CCDC181: variants seen among roughly 807,000 people sequenced by gnomAD.
The protein encoded by CCDC181 is coiled-coil domain containing 181, also known as coiled-coil domain-containing protein 181.
A neutral mutation model predicts 58.7 loss-of-function variants in CCDC181; 35 were observed. The ratio of observed to expected loss-of-function variants is 0.60; its 90% CI spans 0.46 to 0.79. The LOEUF (loss-of-function observed/expected upper bound fraction) is 0.79, where lower values mean the gene tolerates loss of function less well. Ranked by LOEUF, CCDC181 falls within the 30% of genes least tolerant of loss-of-function variation. CCDC181 has a pLI of 0.00. For missense variants in CCDC181, 517 were observed against 583.9 expected (o/e 0.89, Z 1.18); for synonymous variants, 183 against 197.5 (o/e 0.93, Z 0.62).
At chr1:169,456,838 G>A (rs747588201) in intron 2 of CCDC181, among the ~76,000 whole-genome samples, 30 of 152,096 alleles carry the variant, frequency 2.0e-4, no homozygotes, top group Non-Finnish European at 3.1e-4. Context: ...AAAGAAACTG[G>A]ACTCAGACAT....
chr1:169,435,346 G>C (rs977217197), intron 2 of CCDC181, among the ~76,000 whole-genome samples: 3 of 152,128 alleles, frequency 2.0e-5, no homozygotes, highest in African/African-American at 7.2e-5. Context: ...AGAGGAAATG[G>C]GTGTGTGACC....
chr1:169,429,711 G>A (rs1272275949), upstream of CCDC181, among the ~76,000 whole-genome samples: 3 of 152,150 alleles, frequency 2.0e-5, no homozygotes, highest in Non-Finnish European at 2.9e-5. Flanking sequence ...TTAGTCCTTA[G>A]TTAGATGCAT....
chr1:169,426,074 G>C (rs1382595267), intron 1 of CCDC181, among the ~76,000 whole-genome samples: 55 of 152,072 alleles, frequency 3.6e-4, no homozygotes, highest in Admixed American at 3.6e-3. Flanking sequence ...AAAAGCCATA[G>C]TTAAGGTAAC....
chr1:169,414,811 T>C (rs1251242653), intron 4 of CCDC181, among the ~76,000 whole-genome samples: 1 of 152,196 alleles, frequency 6.6e-6, no homozygotes, highest in Admixed American at 6.5e-5. Context: ...ATGCACTTAT[T>C]ATAGCAATGT....
Position 169,424,946 on chromosome 1 carries a change from A to G in CCDC181, c.-19T>C, listed in dbSNP as rs775165865. On this transcript the variant is annotated 5_prime_UTR_variant, in exon 2 of 6. Transcript: ENST00000367806. ...CATTCATTTTCTGTTTGTGAAGGAAATATGCTGTAAGATTTTAAAAGATAA... is the reference window on the plus strand; with the variant it reads ...CATTCATTTTCTGTTTGTGAAGGAAGTATGCTGTAAGATTTTAAAAGATAA... The G allele has an allele frequency of 7.0e-7, 1 of 1,420,952 alleles. No individual in the cohort carries two copies. Among genetic ancestry groups the G allele is most frequent in the South Asian group, 1.2e-5 (1 of 86,008 alleles). The allele number at this position is 1,420,952 out of a possible 1,614,324, so 88.0% of individuals were successfully genotyped here.
chr1:169,431,092 T>G (rs1029924350), upstream of CCDC181, among the ~76,000 whole-genome samples: 4 of 152,164 alleles, frequency 2.6e-5, no homozygotes, highest in Admixed American at 6.5e-5. Flanking sequence ...GGTTTTCCTT[T>G]CAACTGCATT....
intron 2 of CCDC181, among the ~76,000 whole-genome samples, chr1:169,451,582 T>C (rs923624783): frequency 5.3e-5 from 8 of 152,082 alleles, no homozygotes; most frequent in Non-Finnish European, 1.0e-4. Context: ...TTTTCTTCTT[T>C]TTGAGGAAGC....
At chr1:169,440,362 C>G (rs934544032) in intron 2 of CCDC181, among the ~76,000 whole-genome samples, 2 of 152,238 alleles carry the variant, frequency 1.3e-5, no homozygotes, top group Non-Finnish European at 2.9e-5. Context: ...TCACCTTGCC[C>G]ACTGCCTAGA....
chr1:169,440,145 G>A (rs746255873), intron 2 of CCDC181, among the ~76,000 whole-genome samples: 8 of 152,204 alleles, frequency 5.3e-5, no homozygotes, highest in East Asian at 1.9e-4. Context: ...TCTTCTACCC[G>A]CTATTTCCTT....
chr1:169,397,190 T>G (rs759760023), intron 5 of CCDC181, 47 bp downstream of exon 5: 2 of 1,464,448 alleles, frequency 1.4e-6, no homozygotes, highest in Non-Finnish European at 1.8e-6. Flanking sequence ...ACTTTTAAAA[T>G]GAACATGAGG....
intron 4 of CCDC181, among the ~76,000 whole-genome samples, chr1:169,411,839 T>G (rs1289605098): frequency 6.6e-6 from 1 of 152,176 alleles, no homozygotes; most frequent in Non-Finnish European, 1.5e-5. Context: ...CACTTCATGC[T>G]AAAAACTCTC....
chr1:169,438,407 G>A (rs186189028), intron 2 of CCDC181, among the ~76,000 whole-genome samples: 8 of 152,076 alleles, frequency 5.3e-5, no homozygotes, highest in African/African-American at 1.9e-4. Flanking sequence ...TGATGACCCT[G>A]CTTGCTGTGC....
rs1482056172 is a variant in CCDC181 at position 169,450,153 on chromosome 1, C to A, written c.-24+9644G>T. On this transcript the variant is annotated intron_variant, in intron 2 of 6. Coordinates refer to the CCDC181 transcript ENST00000545005. ...TGTTTCTTAGGTTCTCCCTCCATCC[C>A]AGTAGGTGAAACAGAAGGGCTCAAG... 2.0e-5 allele frequency among the ~76,000 whole-genome samples: 3 copies of A among 152,262 alleles called. No individual in the cohort carries two copies. The East Asian group carries it at 5.8e-4, about 29-fold the overall frequency.
intron 4 of CCDC181, among the ~76,000 whole-genome samples, chr1:169,413,854 C>T (rs552100128): frequency 7.9e-5 from 12 of 151,240 alleles, no homozygotes; most frequent in African/African-American, 2.7e-4. Context: ...GAACATCACA[C>T]ACTGGGGCCT....
intron 4 of CCDC181, among the ~76,000 whole-genome samples, chr1:169,409,076 A>G (rs1655821428): frequency 6.6e-6 from 1 of 152,216 alleles, no homozygotes; most frequent in African/African-American, 2.4e-5. Flanking sequence ...GAAGGTGGGT[A>G]ATAACAAACT....
intron 2 of CCDC181, among the ~76,000 whole-genome samples, chr1:169,448,348 A>G (rs901643969): frequency 6.6e-6 from 1 of 152,242 alleles, no homozygotes; most frequent in South Asian, 2.1e-4. Context: ...ACTTCTTTTA[A>G]TATTTCTTAC....
At chr1:169,432,295 C>A (rs1656942652), upstream of CCDC181, among the ~76,000 whole-genome samples, 1 of 151,980 alleles carries the variant, frequency 6.6e-6, no homozygotes, top group African/African-American at 2.4e-5. Context: ...ATTGTTGTAT[C>A]TGAGAAACAA....
chr1:169,436,573 C>T (rs779134104), intron 2 of CCDC181, among the ~76,000 whole-genome samples: 2 of 152,214 alleles, frequency 1.3e-5, no homozygotes, highest in South Asian at 2.1e-4. Flanking sequence ...AAAGCAAAGA[C>T]GACCTAGACT....
At chr1:169,428,417 C>T (rs1656804106), upstream of CCDC181, among the ~76,000 whole-genome samples, 1 of 152,134 alleles carries the variant, frequency 6.6e-6, no homozygotes, top group South Asian at 2.1e-4. Flanking sequence ...TGGAAGTAGA[C>T]CCTAGGTTTC....
Sources: gnomAD v4.1 joint callset for allele counts (sites outside exome capture counted in the v4.1 genomes callset) on GRCh38, gnomAD v4.1.1 for gene constraint, MANE v1.5 for transcripts, NCBI Gene and HGNC (gene_info 2026-07-23, HGNC 2026-07-21) for gene names.